The following SEC14L1 variants were observed in gnomAD, a reference collection of about 807,000 sequenced individuals.
The protein encoded by SEC14L1 is SEC14 like lipid binding 1.
In SEC14L1, 48 loss-of-function variants were observed where a neutral mutation model predicts 85.3. The ratio of observed to expected loss-of-function variants is 0.56; its 90% CI spans 0.45 to 0.72. The LOEUF (loss-of-function observed/expected upper bound fraction) is 0.72. Ranked by LOEUF, SEC14L1 falls within the 30% of genes least tolerant of loss-of-function variation. The pLI, the probability that SEC14L1 is intolerant of heterozygous loss-of-function variation, is 0.00. For synonymous variants in SEC14L1, 391 were observed against 355.5 expected (o/e 1.10, Z -1.12); for missense variants, 682 against 921.4 (o/e 0.74, Z 3.36).
At position 77,190,949 on chromosome 17, in the gene SEC14L1, G is replaced by GAAGGT; in HGVS notation, c.213_213+4dup. ...ATGTAGATGCACCCAGACTGCTGAA[G>GAAGGT]AAGGTAAAGGTCGGAAAGGACGTCT... is the stretch of plus-strand genomic sequence containing the variant. On this transcript the variant is annotated frameshift_variant, in exon 4 of 17. Coordinates refer to ENST00000436233, the MANE Select transcript of SEC14L1 (RefSeq NM_001143998.2). LOFTEE classifies it high-confidence loss of function. The GAAGGT allele has an allele frequency of 6.2e-7, 1 of 1,614,116 alleles. No homozygotes were observed. Among genetic ancestry groups the GAAGGT allele is most frequent in the Non-Finnish European group, 8.5e-7 (1 of 1,180,002 alleles).
chr17:77,183,873 C>T lies in SEC14L1; in HGVS notation c.64-6930C>T, dbSNP rs1450518158. ...TAAGCGTCTAGGGTGGTTGTGTAGA[C>T]TGTTCCATAATTTGGGTTTGTCTGA... On this transcript the variant is annotated intron_variant, in intron 3 of 16. Transcript: ENST00000436233. Among the ~76,000 whole-genome samples, 3 of 151,984 alleles carry T rather than the reference C, an allele frequency of 2.0e-5. No individual in the cohort carries two copies. In the East Asian group the frequency reaches 5.8e-4, roughly 29 times the overall value.
chr17:77,161,942 T>C (rs1237956825), intron 3 of SEC14L1, among the ~76,000 whole-genome samples: 4 of 150,912 alleles, frequency 2.7e-5, no homozygotes, highest in African/African-American at 9.7e-5. Context: ...TTCTTTTTTT[T>C]TTTTTAAACA....
chr17:77,212,694 G>C (rs1220275512), intron 15 of SEC14L1: 1 of 173,282 alleles, frequency 5.8e-6, no homozygotes, highest in Non-Finnish European at 1.2e-5. Flanking sequence ...CGGGGCGGGG[G>C]CATTGCTTCT....
chr17:77,201,773 T>C lies in SEC14L1; in HGVS notation c.1009+1100T>C, dbSNP rs144327971. Among the ~76,000 whole-genome samples, 56 of 152,066 alleles carry C rather than the reference T, an allele frequency of 3.7e-4. No individual in the cohort carries two copies. The East Asian group carries it at 7.0e-3, about 19-fold the overall frequency. On this transcript the variant is annotated intron_variant, in intron 9 of 16. Coordinates refer to ENST00000436233, the MANE Select transcript of SEC14L1 (RefSeq NM_001143998.2). ...CTCAACAAATGTGTCTTATTAAACG[T>C]TGGGAGAAACTTTCTGTAAATAGGC...
rs187099251 is a variant in SEC14L1 at position 77,193,368 on chromosome 17, A to T, written c.346-53A>T. On this transcript the variant is annotated intron_variant, in intron 5 of 16. Coordinates refer to ENST00000436233, the MANE Select transcript of SEC14L1 (RefSeq NM_001143998.2). ...ACTGGTTAAACTGAGGAGCAGGCAG[A>T]TGATATTCTGTTGTCAATTCAGTCA... 32 of 1,527,402 alleles carry T rather than the reference A, an allele frequency of 2.1e-5. No homozygotes were observed. In the African/African-American group the frequency reaches 3.6e-4, roughly 17 times the overall value. 94.6% of individuals were successfully genotyped at this position (1,527,402 alleles called of 1,614,324 possible). A position where few individuals can be genotyped will look rare whatever the true frequency, so the allele number is the denominator to read the frequency against.
chr17:77,141,933 CA>C (rs1490764249), intron 1 of SEC14L1, among the ~76,000 whole-genome samples: 1 of 152,074 alleles, frequency 6.6e-6, no homozygotes, highest in Admixed American at 6.5e-5. Context: ...GTAAGGTTTG[CA>C]AAAGAAAAAG....
chr17:77,190,825 C>T lies in SEC14L1; in HGVS notation c.86C>T (p.Thr29Ile). The change falls in exon 4 of 17, where the codon ACA (threonine) becomes ATA (isoleucine). Residue 29 changes from threonine to isoleucine, a missense_variant. Physicochemically the swap from Thr to Ile is moderately conservative, Grantham distance 89. Around this residue, in one of 3 missense-constraint regions of SEC14L1, gnomAD observed 139 missense variants for 201.3 expected, o/e 0.69. Transcript: ENST00000436233. ...IMAAYERRFPTCPLIPMFVGS... is the reference protein window; with the variant it reads ...IMAAYERRFPICPLIPMFVGS... ...TAGGCCTATGAAAGGAGGTTCCCTA[C>T]ATGTCCTTTGATTCCGATGTTCGTG... The T allele has an allele frequency of 6.2e-7, 1 of 1,614,258 alleles. No homozygotes were observed. Among genetic ancestry groups the T allele is most frequent in the Non-Finnish European group, 8.5e-7 (1 of 1,180,048 alleles).
At chr17:77,090,951 CAG>C (rs949226416) in intron 2 of SEC14L1, among the ~76,000 whole-genome samples, 1 of 143,186 alleles carries the variant, frequency 7.0e-6, no homozygotes, top group Non-Finnish European at 1.5e-5. Context: ...TCCTGGGTGA[CAG>C]AGTGAGACCC....
intron 3 of SEC14L1, among the ~76,000 whole-genome samples, chr17:77,177,993 G>C (rs945455797): frequency 6.6e-6 from 1 of 151,580 alleles, no homozygotes; most frequent in African/African-American, 2.4e-5. Context: ...TAATGCCCTA[G>C]TTCTTTGCTA....
chr17:77,204,699 C>A (rs537705278), intron 10 of SEC14L1, among the ~76,000 whole-genome samples: 1 of 152,052 alleles, frequency 6.6e-6, no homozygotes, highest in Non-Finnish European at 1.5e-5. Flanking sequence ...ACTACAAGCA[C>A]CACCACTGAG....
intron 3 of SEC14L1, among the ~76,000 whole-genome samples, chr17:77,172,299 T>C (rs754378861): frequency 2.0e-5 from 3 of 152,142 alleles, no homozygotes; most frequent in Non-Finnish European, 4.4e-5. Flanking sequence ...AGGTCATGAG[T>C]AGAATGACTT....
At chr17:77,164,429 T>C (rs1233524603) in intron 3 of SEC14L1, among the ~76,000 whole-genome samples, 1 of 152,232 alleles carries the variant, frequency 6.6e-6, no homozygotes, top group Admixed American at 6.5e-5. Flanking sequence ...TTTTCCCTTT[T>C]GCTCTGTCTG....
chr17:77,089,686 C>G (rs1396787833), intron 2 of SEC14L1: 4 of 333,870 alleles, frequency 1.2e-5, no homozygotes, highest in Non-Finnish European at 2.3e-5. Flanking sequence ...AACTACAACC[C>G]AGTTAGGGAG....
chr17:77,095,748 CAG>C (rs1391849541), intron 3 of SEC14L1, among the ~76,000 whole-genome samples: 3 of 152,004 alleles, frequency 2.0e-5, no homozygotes, highest in Non-Finnish European at 4.4e-5. Context: ...ACCCAGGAGA[CAG>C]AGGTTTCGGT....
chr17:77,211,821 T>TA, intron 14 of SEC14L1, 129 bp from the exon 15 acceptor site: 1 of 1,165,610 alleles, frequency 8.6e-7, no homozygotes, highest in South Asian at 1.4e-5. Flanking sequence ...GATCCGTCCA[T>TA]ACGCATTCAG....
intron 3 of SEC14L1, among the ~76,000 whole-genome samples, chr17:77,112,671 G>A (rs1972073411): frequency 6.7e-6 from 1 of 148,756 alleles, no homozygotes; most frequent in Non-Finnish European, 1.5e-5. Context: ...GGATCACGAG[G>A]TCAGGAGATC....
chr17:77,155,860 G>A (rs1049700908), intron 3 of SEC14L1, among the ~76,000 whole-genome samples: 1 of 152,056 alleles, frequency 6.6e-6, no homozygotes, highest in African/African-American at 2.4e-5. Context: ...GATTACAGGC[G>A]TGAGCCACTT....
chr17:77,118,516 C>T (rs572688953), intron 3 of SEC14L1, among the ~76,000 whole-genome samples: 2 of 152,330 alleles, frequency 1.3e-5, no homozygotes, highest in African/African-American at 4.8e-5. Flanking sequence ...GTCCCCGAGC[C>T]TCATACGTTC....
chr17:77,129,834 G>T (rs1019370636), intron 3 of SEC14L1, among the ~76,000 whole-genome samples: 2 of 152,088 alleles, frequency 1.3e-5, no homozygotes, highest in Non-Finnish European at 2.9e-5. Flanking sequence ...CTTCCTGGGG[G>T]TTAATTAAAA....
Sources: gnomAD v4.1 joint callset for allele counts (sites outside exome capture counted in the v4.1 genomes callset) on GRCh38, gnomAD v4.1.1 for gene constraint, gnomAD v4.1.1 regional missense constraint, MANE v1.5 for transcripts, NCBI Gene and HGNC (gene_info 2026-07-23, HGNC 2026-07-21) for gene names.